DCAF15: variants seen among roughly 807,000 people sequenced by gnomAD.
DCAF15 encodes the protein DDB1 and CUL4 associated factor 15, also known as DDB1- and CUL4-associated factor 15.
In DCAF15, 24 loss-of-function variants were observed where a neutral mutation model predicts 68.0. The observed-to-expected ratio is 0.35, with a 90% CI of 0.26 to 0.50. The LOEUF is 0.50. DCAF15 is among the 20% of genes least tolerant of loss of function. The pLI is 0.98. For missense variants in DCAF15, 627 were observed against 830.6 expected (o/e 0.75, Z 3.01); for synonymous variants, 376 against 341.6 (o/e 1.10, Z -1.11).
chr19:13,957,799 C>T (rs1481074192), intron 6 of DCAF15, among the ~76,000 whole-genome samples: 2 of 152,030 alleles, frequency 1.3e-5, no homozygotes, highest in East Asian at 1.9e-4. Context: ...ATTCCAGCTA[C>T]TCAGGAGACT....
chr19:13,956,055 G>A, intron 4 of DCAF15, 37 bp downstream of exon 4: 1 of 1,612,578 alleles, frequency 6.2e-7, no homozygotes, highest in Non-Finnish European at 8.5e-7. Flanking sequence ...TGGCTGGTTG[G>A]GGCAGGGGGT....
intron 6 of DCAF15, 89 bp from the exon 7 acceptor site, chr19:13,958,956 T>C (rs1973473744): frequency 6.8e-7 from 1 of 1,476,250 alleles, no homozygotes; most frequent in African/African-American, 1.4e-5. Flanking sequence ...AAGTGTCTCC[T>C]TAAGGTGGGT....
rs370219435 is a variant in DCAF15 at position 13,956,038 on chromosome 19, G to A, written c.473+20G>A. 1.2e-5 allele frequency: 19 copies of A among 1,613,152 alleles called. No homozygotes were observed. In the African/African-American group the frequency reaches 2.3e-4, roughly 19 times the overall value. ...CTTCAAGTGAGACCAGGCGCCTGGG[G>A]GAGCCTTGGCTGGTTGGGGCAGGGG... is the stretch of plus-strand genomic sequence containing the variant. On this transcript the variant is annotated intron_variant, in intron 4 of 12. Transcript: ENST00000254337.
chr19:13,955,154 C>T (rs1973302916), intron 3 of DCAF15, among the ~76,000 whole-genome samples: 1 of 152,172 alleles, frequency 6.6e-6, no homozygotes, highest in South Asian at 2.1e-4. Context: ...GCCACAGTGG[C>T]TCACGCCTGT....
At chr19:13,953,853 C>T (rs1262689282) in intron 1 of DCAF15, among the ~76,000 whole-genome samples, 5 of 152,144 alleles carry the variant, frequency 3.3e-5, no homozygotes, top group Admixed American at 1.3e-4. Context: ...CCTCGACTGG[C>T]CCCCAGCAGA....
chr19:13,960,869 T>G, intron 12 of DCAF15, 71 bp from the exon 13 acceptor site: 1 of 1,600,010 alleles, frequency 6.2e-7, no homozygotes. Context: ...CAGAAGCAAG[T>G]CAGGTGGAGG....
chr19:13,955,025 G>A (rs555170373), intron 3 of DCAF15, among the ~76,000 whole-genome samples: 1 of 151,718 alleles, frequency 6.6e-6, no homozygotes, highest in African/African-American at 2.4e-5. Context: ...AGGATCACCT[G>A]AGCCCAAGAG....
chr19:13,959,020 C>G (rs748202311), intron 6 of DCAF15, 25 bp from the exon 7 acceptor site: 3 of 1,554,864 alleles, frequency 1.9e-6, no homozygotes, highest in African/African-American at 1.4e-5. Flanking sequence ...CAGACTGACA[C>G]TTCTCCACCC....
rs1418782684 is a variant in DCAF15, at chr19:13,958,688, C to T, written c.785-357C>T. Among the ~76,000 whole-genome samples the T allele has an allele frequency of 2.0e-5, 3 of 152,140 alleles. No homozygotes were observed. In the East Asian group the frequency reaches 5.8e-4, roughly 29 times the overall value. ...ACGCCAGTGAAAATCACAAGATGTC[C>T]CTCGACAGAGTGGCAGATGTTAGGA... On this transcript the variant is annotated intron_variant, in intron 6 of 12. Transcript: ENST00000254337.
At position 13,955,997 on chromosome 19, in the gene DCAF15, A is replaced by G. The variant is rs763488986; in HGVS notation, c.452A>G (p.Lys151Arg). The change falls in exon 4 of 13, where the codon AAG becomes AGG. Residue 151 changes from lysine (K) to arginine (R), a missense_variant. By Grantham distance (26) the Lys-to-Arg change is conservative (BLOSUM62 2). Coordinates refer to ENST00000254337, the MANE Select transcript of DCAF15 (RefSeq NM_138353.4). Reference sequence around the variant, plus strand: ...TGCGAGTGGCCCAGCGACGCCTCCAAGGTCATCGTCTTCGGCTTCAAGTGA... The same window carrying G: ...TGCGAGTGGCCCAGCGACGCCTCCAGGGTCATCGTCTTCGGCTTCAAGTGA... ...TVCEWPSDAS[K>R]VIVFGFNTRS... 5 of 1,613,570 alleles carry G rather than the reference A, an allele frequency of 3.1e-6. No individual in the cohort carries two copies. The highest frequency in any genetic ancestry group is 3.3e-5 in the Admixed American group (2 of 60,006).
chr19:13,956,071 G>T lies in DCAF15; in HGVS notation c.474-52G>T. On this transcript the variant is annotated intron_variant, in intron 4 of 12. Transcript: ENST00000254337. Reference sequence around the variant, plus strand: ...GGCTGGTTGGGGCAGGGGGTGTGCAGTGGGGGCCCCCCAGGCGCCGACCAG... The same window carrying T: ...GGCTGGTTGGGGCAGGGGGTGTGCATTGGGGGCCCCCCAGGCGCCGACCAG... 8.7e-6 allele frequency: 14 copies of T among 1,611,578 alleles called. No homozygotes were observed. The South Asian group carries it at 1.4e-4, about 16-fold the overall frequency.
rs10402687 is a variant in DCAF15, at chr19:13,960,266, C to T, written c.1527-21C>T. 4.7e-4 allele frequency: 753 copies of T among 1,610,624 alleles called. 2 individuals carry two copies. The African/African-American group carries it at 8.9e-3, about 19-fold the overall frequency. On this transcript the variant is annotated intron_variant, in intron 10 of 12. Transcript: ENST00000254337. ...GAGCCCGGCTGTCCCAGCGTTTGTC[C>T]TATGTCCCTCTCCACTGTAGACCAA...
intron 6 of DCAF15, among the ~76,000 whole-genome samples, chr19:13,958,077 A>T (rs1449988992): frequency 6.6e-6 from 1 of 152,084 alleles, no homozygotes; most frequent in East Asian, 1.9e-4. Flanking sequence ...CCTCACCCCC[A>T]ATCTATACCA....
intron 5 of DCAF15, 27 bp downstream of exon 5, chr19:13,956,289 T>TCTTCCC: frequency 1.2e-6 from 2 of 1,611,560 alleles, no homozygotes; most frequent in Non-Finnish European, 1.7e-6. Flanking sequence ...GGCGAGGGCC[T>TCTTCCC]CTTCCCCCCT....
intron 6 of DCAF15, among the ~76,000 whole-genome samples, chr19:13,956,944 T>C (rs1973389507): frequency 6.6e-6 from 1 of 152,216 alleles, no homozygotes; most frequent in Non-Finnish European, 1.5e-5. Flanking sequence ...TTAGTAGAGA[T>C]GGGATTTCAC....
Position 13,954,640 on chromosome 19 carries a change from C to G in DCAF15, c.345C>G (p.Asn115Lys), listed in dbSNP as rs1258016521. ...ACCATCTGTACTGGTGGGAGTTCAA[C>G]GTTCACAGCAAGCTCAAGCTGGTAG... is the stretch of plus-strand genomic sequence containing the variant. ...YIYHLYWWEF[N>K]VHSKLKLVRQ... The change falls in exon 3 of 13, where the codon AAC becomes AAG. Residue 115 changes from asparagine to lysine, a missense_variant. Coordinates refer to ENST00000254337, the MANE Select transcript of DCAF15 (RefSeq NM_138353.4). 6.2e-7 allele frequency: 1 copy of G among 1,614,190 alleles called. No individual in the cohort carries two copies. Among genetic ancestry groups the G allele is most frequent in the Non-Finnish European group, 8.5e-7 (1 of 1,180,034 alleles).
intron 3 of DCAF15, 67 bp from the exon 4 acceptor site, chr19:13,955,845 A>G (rs1426257406): frequency 7.2e-6 from 11 of 1,533,152 alleles, no homozygotes; most frequent in Non-Finnish European, 9.9e-6. Flanking sequence ...GAGGGACTGC[A>G]TCGTACAGCT....
In DCAF15 at chr19:13,954,512, C is replaced by T; in HGVS notation, c.231-14C>T. On this transcript the variant is annotated splice_polypyrimidine_tract_variant and intron_variant, in intron 2 of 12. Coordinates refer to ENST00000254337, the MANE Select transcript of DCAF15 (RefSeq NM_138353.4). ...CGCCCTGACCTGGCCGCTGTGCCCC[C>T]TCCACCCCCACAGACATATCTTCCT... The T allele has an allele frequency of 1.9e-6, 3 of 1,614,154 alleles. No homozygotes were observed. Among genetic ancestry groups the T allele is most frequent in the African/African-American group, 1.3e-5 (1 of 75,068 alleles).
At chr19:13,960,833 T>C in intron 12 of DCAF15, 107 bp from the exon 13 acceptor site, 1 of 1,428,736 alleles carries the variant, frequency 7.0e-7, no homozygotes, top group South Asian at 1.2e-5. Context: ...CTCAGCAGGG[T>C]CCCTGCCTTC....
Sources: allele counts gnomAD v4.1 joint callset (sites outside exome capture counted in the v4.1 genomes callset), GRCh38; gene constraint gnomAD v4.1.1; transcripts MANE v1.5; gene names NCBI Gene and HGNC (gene_info 2026-07-23, HGNC 2026-07-21).